LCMT2: variants seen among roughly 807,000 people sequenced by gnomAD.
LCMT2 encodes the protein tRNA wybutosine-synthesizing protein 4.
Under a neutral mutation model 42.0 loss-of-function variants are expected in LCMT2, and 34 were observed. The observed-to-expected ratio is 0.81, with a 90% CI of 0.62 to 1.08. The LOEUF is 1.08. LCMT2 is among the 50% of genes least tolerant of loss of function. The pLI, the probability that LCMT2 is intolerant of heterozygous loss-of-function variation, is 0.00. For synonymous variants in LCMT2, 445 were observed against 369.5 expected (o/e 1.20, Z -2.34); for missense variants, 1,091 against 889.4 (o/e 1.23, Z -2.88).
chr15:43,330,205 G>C lies in LCMT2; in HGVS notation c.285C>G (p.Leu95=), dbSNP rs780483641. The C allele has an allele frequency of 2.5e-6, 4 of 1,611,628 alleles. No individual in the cohort carries two copies. In the South Asian group the frequency reaches 3.3e-5, roughly 13 times the overall value. ...GGCCCGCGGTTTTTAAGCGAAAATA[G>C]AGCGAGTCGAAGCCAGCGCCGAGAG... ...ILSLGAGFDS[L]YFRLKTAGRL... Residue 95 remains leucine (L), a synonymous_variant, in exon 1 of 1, where the codon CTC becomes CTG. Coordinates refer to ENST00000305641, the MANE Select transcript of LCMT2 (RefSeq NM_014793.5).
rs995423314 is a variant in LCMT2, at chr15:43,326,843, C to A, written c.*1586G>T. ...TTTTTATATTAATCACCTTTCACAT[C>A]CATTTATATGCAAAATTAATAGAAA... On this transcript the variant is annotated 3_prime_UTR_variant, in exon 1 of 1. Transcript: ENST00000305641. 1 of 152,164 alleles carries A rather than the reference C, an allele frequency of 6.6e-6. No homozygotes were observed. Among genetic ancestry groups the A allele is most frequent in the African/African-American group, 2.4e-5 (1 of 41,432 alleles). 9.4% of individuals were successfully genotyped at this position (152,164 alleles called of 1,614,324 possible).
chr15:43,325,739 T>A lies in LCMT2; in HGVS notation c.*2690A>T, dbSNP rs1251907059. The A allele has an allele frequency of 6.6e-6, 1 of 152,268 alleles. No homozygotes were observed. Among genetic ancestry groups the A allele is most frequent in the East Asian group, 1.9e-4 (1 of 5,198 alleles). The allele number at this position is 152,268 out of a possible 1,614,324, so 9.4% of individuals were successfully genotyped here. A position where few individuals can be genotyped will look rare whatever the true frequency, so the allele number is the denominator to read the frequency against. ...CCCCCAAAAGTAATGAAATAATGGC[T>A]GATGGCATGATGTAAGCAGCATCAT... On this transcript the variant is annotated 3_prime_UTR_variant, in exon 1 of 1. Coordinates refer to ENST00000305641, the MANE Select transcript of LCMT2 (RefSeq NM_014793.5).
rs1036696446 is a variant in LCMT2 at position 43,326,827 on chromosome 15, T to C, written c.*1602A>G. The C allele has an allele frequency of 6.6e-6, 1 of 152,212 alleles. No homozygotes were observed. Among genetic ancestry groups the C allele is most frequent in the Non-Finnish European group, 1.5e-5 (1 of 68,032 alleles). 9.4% of individuals were successfully genotyped at this position (152,212 alleles called of 1,614,324 possible). ...TGTGTTTGCTACTTGGTTTTTATAT[T>C]AATCACCTTTCACATCCATTTATAT... On this transcript the variant is annotated 3_prime_UTR_variant, in exon 1 of 1. Coordinates refer to ENST00000305641, the MANE Select transcript of LCMT2 (RefSeq NM_014793.5).
rs1368373552 is a variant in LCMT2 at position 43,327,952 on chromosome 15, T to C, written c.*477A>G. On this transcript the variant is annotated 3_prime_UTR_variant, in exon 1 of 1. Transcript: ENST00000305641. ...GACAATGTTTTAATCAAACTGTGACTGTGTTCATTTCAGGTTTCCTACATG... is the reference window on the plus strand; with the variant it reads ...GACAATGTTTTAATCAAACTGTGACCGTGTTCATTTCAGGTTTCCTACATG... 6.3e-5 allele frequency: 10 copies of C among 159,238 alleles called. No individual in the cohort carries two copies. Among genetic ancestry groups the C allele is most frequent in the Non-Finnish European group, 1.4e-4 (10 of 71,776 alleles). The allele number at this position is 159,238 out of a possible 1,614,324, so 9.9% of individuals were successfully genotyped here. A position where few individuals can be genotyped will look rare whatever the true frequency, so the allele number is the denominator to read the frequency against.
In LCMT2 at chr15:43,329,743, A is replaced by C; in HGVS notation, c.747T>G (p.Pro249=). Residue 249 remains proline, a synonymous_variant, in exon 1 of 1, where the codon CCT becomes CCG. Coordinates refer to ENST00000305641, the MANE Select transcript of LCMT2 (RefSeq NM_014793.5). The part of the protein sequence containing the change: ...NSPLHGLERF[P]DVEAQRRRFL... Reference sequence around the variant, plus strand: ...AGCGGCGCCGCTGCGCCTCCACGTCAGGAAAACGCTCCAGGCCATGCAGGG... The same window carrying C: ...AGCGGCGCCGCTGCGCCTCCACGTCCGGAAAACGCTCCAGGCCATGCAGGG... 2 of 1,613,560 alleles carry C rather than the reference A, an allele frequency of 1.2e-6. No homozygotes were observed. Among genetic ancestry groups the C allele is most frequent in the Non-Finnish European group, 1.7e-6 (2 of 1,179,964 alleles).
In LCMT2 at chr15:43,328,745, G is replaced by A. The variant is rs749480012; in HGVS notation, c.1745C>T (p.Pro582Leu). The A allele has an allele frequency of 1.2e-6, 2 of 1,613,858 alleles. No individual in the cohort carries two copies. The highest frequency in any genetic ancestry group is 1.7e-6 in the Non-Finnish European group (2 of 1,180,026). Reference sequence around the variant, plus strand: ...TGTGTGGGAGTACCTTGGGGTAATGGGAGGCTGGATGTCTACTGACTCCCA... The same window carrying A: ...TGTGTGGGAGTACCTTGGGGTAATGAGAGGCTGGATGTCTACTGACTCCCA... ...FLWESVDIQPPITPRYSHTAH... is the reference protein window; with the variant it reads ...FLWESVDIQPLITPRYSHTAH... The change falls in exon 1 of 1, where the codon CCC (proline) becomes CTC (leucine). Residue 582 changes from proline to leucine, a missense_variant. Coordinates refer to ENST00000305641, the MANE Select transcript of LCMT2 (RefSeq NM_014793.5).
rs896092062 is a variant in LCMT2 at position 43,328,359 on chromosome 15, C to G, written c.*70G>C. 4.1e-6 allele frequency: 6 copies of G among 1,478,860 alleles called. No homozygotes were observed. In the East Asian group the frequency reaches 9.1e-5, roughly 22 times the overall value. 91.6% of individuals were successfully genotyped at this position (1,478,860 alleles called of 1,614,324 possible). A position where few individuals can be genotyped will look rare whatever the true frequency, so the allele number is the denominator to read the frequency against. The stretch of plus-strand genomic sequence containing the variant: ...AAAGGAGGAGTGGCAGTATCTATAG[C>G]TAGAGGGTCATCCTATTTGTGGAAA... On this transcript the variant is annotated 3_prime_UTR_variant, in exon 1 of 1. Coordinates refer to ENST00000305641, the MANE Select transcript of LCMT2 (RefSeq NM_014793.5).
Position 43,330,012 on chromosome 15 carries a change from G to A in LCMT2, c.478C>T (p.Leu160=). The A allele has an allele frequency of 6.2e-7, 1 of 1,612,682 alleles. No homozygotes were observed. Among genetic ancestry groups the A allele is most frequent in the South Asian group, 1.1e-5 (1 of 91,082 alleles). The change falls in exon 1 of 1, where the codon CTG becomes TTG. Residue 160 remains leucine, a synonymous_variant. Coordinates refer to ENST00000305641, the MANE Select transcript of LCMT2 (RefSeq NM_014793.5). Reference sequence around the variant, plus strand: ...ACTCGCTGGAGCTGCCGCAAGTCCAGACCCAGGATGCAGTAGTCTGCGCTC... The same window carrying A: ...ACTCGCTGGAGCTGCCGCAAGTCCAAACCCAGGATGCAGTAGTCTGCGCTC... The part of the protein sequence containing the change: ...FESADYCILG[L]DLRQLQRVEE...
rs755121894 is a variant in LCMT2 at position 43,330,303 on chromosome 15, C to A, written c.187G>T (p.Val63Leu). 1.9e-6 allele frequency: 3 copies of A among 1,594,010 alleles called. No homozygotes were observed. Among genetic ancestry groups the A allele is most frequent in the Non-Finnish European group, 2.6e-6 (3 of 1,176,186 alleles). Reference sequence around the variant, plus strand: ...AAAAAAGCGCGCACGCAGTGCCTCACGGCGCGTGCGCGGACGTAGTAGCCT... The same window carrying A: ...AAAAAAGCGCGCACGCAGTGCCTCAAGGCGCGTGCGCGGACGTAGTAGCCT... ...HRGYYVRARAVRHCVRAFLEQ... is the reference protein window; with the variant it reads ...HRGYYVRARALRHCVRAFLEQ... The change falls in exon 1 of 1, where the codon GTG becomes TTG. Residue 63 changes from valine (V) to leucine (L), a missense_variant. Coordinates refer to ENST00000305641, the MANE Select transcript of LCMT2 (RefSeq NM_014793.5).
rs3742970 is a variant in LCMT2 at position 43,330,067 on chromosome 15, C to G, written c.423G>C (p.Arg141Ser). 6.5e-5 allele frequency: 104 copies of G among 1,612,326 alleles called. No individual in the cohort carries two copies. Among genetic ancestry groups the G allele is most frequent in the East Asian group, 1.8e-4 (8 of 44,848 alleles). Reference protein sequence around the residue: ...ELCALTGPFERGEPASALCFE... With the variant: ...ELCALTGPFESGEPASALCFE... Reference sequence around the variant, plus strand: ...AGCACAGCGCGGACGCGGGCTCCCCCCTCTCGAAAGGCCCGGTTAACGCGC... The same window carrying G: ...AGCACAGCGCGGACGCGGGCTCCCCGCTCTCGAAAGGCCCGGTTAACGCGC... Residue 141 changes from arginine (R) to serine (S), a missense_variant, in exon 1 of 1, where the codon AGG becomes AGC. By Grantham distance (110) the Arg-to-Ser change is moderately radical. Transcript: ENST00000305641.
In LCMT2 at chr15:43,329,279, T is replaced by C. The variant is rs760887541; in HGVS notation, c.1211A>G (p.Gln404Arg). Reference protein sequence around the residue: ...RDCDSEWKGSQIGSCGTGVQW... With the variant: ...RDCDSEWKGSRIGSCGTGVQW... ...AACTCCAGTCCCACAACTGCCTATT[T>C]GGCTGCCTTTCCATTCAGAGTCACA... is the stretch of plus-strand genomic sequence containing the variant. The change falls in exon 1 of 1, where the codon CAA becomes CGA. Residue 404 changes from glutamine (Q) to arginine (R), a missense_variant. Physicochemically the swap from Gln to Arg is conservative, Grantham distance 43. Transcript: ENST00000305641. 1 of 1,614,044 alleles carries C rather than the reference T, an allele frequency of 6.2e-7. No homozygotes were observed. Among genetic ancestry groups the C allele is most frequent in the Non-Finnish European group, 8.5e-7 (1 of 1,180,028 alleles).
rs201934741 is a variant in LCMT2, at chr15:43,330,098, T to G, written c.392A>C (p.Glu131Ala). 141 of 1,611,932 alleles carry G rather than the reference T, an allele frequency of 8.7e-5. 2 individuals carry two copies. In the Admixed American group the frequency reaches 2.1e-3, roughly 24 times the overall value. ...RKAERIGETP[E>A]LCALTGPFER... ...GAAAGGCCCGGTTAACGCGCACAGC[T>G]CTGGCGTCTCTCCAATCCTTTCTGC... The change falls in exon 1 of 1, where the codon GAG (glutamate) becomes GCG (alanine). Residue 131 changes from glutamate (E) to alanine (A), a missense_variant. Physicochemically the swap from Glu to Ala is moderately radical, Grantham distance 107. Transcript: ENST00000305641.
rs1596471577 is a variant in LCMT2 at position 43,325,579 on chromosome 15, C to G, written c.*2850G>C. The G allele has an allele frequency of 6.6e-6, 1 of 152,180 alleles. No individual in the cohort carries two copies. The highest frequency in any genetic ancestry group is 2.4e-5 in the African/African-American group (1 of 41,438). The allele number at this position is 152,180 out of a possible 1,614,324, so 9.4% of individuals were successfully genotyped here. A position where few individuals can be genotyped will look rare whatever the true frequency, so the allele number is the denominator to read the frequency against. On this transcript the variant is annotated 3_prime_UTR_variant, in exon 1 of 1. Transcript: ENST00000305641. ...CTTATAGGAAATGTGGGTAATTTCT[C>G]TCGGGAGAACAAGCCCTGTTACTCA...
At position 43,330,257 on chromosome 15, in the gene LCMT2, TG is replaced by T; in HGVS notation, c.232del (p.Gln78ArgfsTer22). 6.2e-7 allele frequency: 1 copy of T among 1,603,680 alleles called. No homozygotes were observed. On this transcript the variant is annotated frameshift_variant, in exon 1 of 1. Coordinates refer to ENST00000305641, the MANE Select transcript of LCMT2 (RefSeq NM_014793.5). LOFTEE classifies it high-confidence loss of function. ...CAAGATCTGCGCGCGAAGCGCGGCC[TG>T]GGGCGCGCCAATCTGCTCCAAAAAA... ...RAFLEQIGAP[Q>X]AALRAQILSL... is the part of the protein sequence containing the mutation.
rs201099844 is a variant in LCMT2 at position 43,329,549 on chromosome 15, C to T, written c.941G>A (p.Gly314Glu). Residue 314 changes from glycine to glutamate, a missense_variant, in exon 1 of 1, where the codon GGA (glycine) becomes GAA (glutamate). Gly to Glu is a moderately conservative substitution (Grantham distance 98). Transcript: ENST00000305641. ...AHYFILAASR[G>E]DTLSHTLVFP... ...CACTAGGGTGTGGGAGAGGGTGTCT[C>T]CCCTAGAAGCTGCCAGAATGAAATA... The T allele has an allele frequency of 4.8e-5, 77 of 1,614,030 alleles. No homozygotes were observed. The African/African-American group carries it at 8.8e-4, about 18-fold the overall frequency.
chr15:43,330,473 C>T lies in LCMT2; in HGVS notation c.17G>A (p.Arg6His). Residue 6 changes from arginine (R) to histidine (H), a missense_variant, in exon 1 of 1, where the codon CGT (arginine) becomes CAT (histidine). Transcript: ENST00000305641. ...CTGTACCGCGCCTGCCCGACGCTCA[C>T]GGCTCCGGGGGCCCATGGCCAGAAG... The part of the protein sequence containing the change: MGPRS[R>H]ERRAGAVQNT... The T allele has an allele frequency of 6.6e-7, 1 of 1,522,394 alleles. No individual in the cohort carries two copies. The highest frequency in any genetic ancestry group is 8.8e-7 in the Non-Finnish European group (1 of 1,140,194). 94.3% of individuals were successfully genotyped at this position (1,522,394 alleles called of 1,614,324 possible). A position where few individuals can be genotyped will look rare whatever the true frequency, so the allele number is the denominator to read the frequency against.
chr15:43,328,968 G>C lies in LCMT2; in HGVS notation c.1522C>G (p.Leu508Val), dbSNP rs777806389. The change falls in exon 1 of 1, where the codon CTA (leucine) becomes GTA (valine). Residue 508 changes from leucine (L) to valine (V), a missense_variant. Coordinates refer to ENST00000305641, the MANE Select transcript of LCMT2 (RefSeq NM_014793.5). ...ACATGGAGGAAATGCCAGTCACTTA[G>C]TACAGGTTCCACCACGCTTCGACCC... ...YGGRSVVEPV[L>V]SDWHFLHVGT... 4.3e-6 allele frequency: 7 copies of C among 1,613,260 alleles called. No homozygotes were observed. In the Admixed American group the frequency reaches 1.0e-4, roughly 23 times the overall value.
rs762123287 is a variant in LCMT2 at position 43,330,515 on chromosome 15, G to C, written c.-26C>G. On this transcript the variant is annotated 5_prime_UTR_variant, in exon 1 of 1. Coordinates refer to ENST00000305641, the MANE Select transcript of LCMT2 (RefSeq NM_014793.5). ...GGCCAGAAGAGACTCAGGAATGGCAGTCTGTCACGGTTGTGAGCCGCCCCT... is the reference window on the plus strand; with the variant it reads ...GGCCAGAAGAGACTCAGGAATGGCACTCTGTCACGGTTGTGAGCCGCCCCT... 6.6e-7 allele frequency: 1 copy of C among 1,511,032 alleles called. No homozygotes were observed. The allele number at this position is 1,511,032 out of a possible 1,614,324, so 93.6% of individuals were successfully genotyped here. A position where few individuals can be genotyped will look rare whatever the true frequency, so the allele number is the denominator to read the frequency against.
In LCMT2 at chr15:43,330,560, G is replaced by A. The variant is rs1843702829; in HGVS notation, c.-71C>T. The A allele has an allele frequency of 5.4e-6, 8 of 1,473,250 alleles. No individual in the cohort carries two copies. The highest frequency in any genetic ancestry group is 1.4e-5 in the South Asian group (1 of 69,378). 91.3% of individuals were successfully genotyped at this position (1,473,250 alleles called of 1,614,324 possible). A position where few individuals can be genotyped will look rare whatever the true frequency, so the allele number is the denominator to read the frequency against. ...GCCCCTTGGTTAGCACACACCTCAC[G>A]GACCTCGGTAGGGGGAAAAAAACCA... is the stretch of plus-strand genomic sequence containing the variant. On this transcript the variant is annotated 5_prime_UTR_variant, in exon 1 of 1. Transcript: ENST00000305641.
Sources: allele counts gnomAD v4.1 joint callset, GRCh38; gene constraint gnomAD v4.1.1; transcripts MANE v1.5; gene names NCBI Gene and HGNC (gene_info 2026-07-23, HGNC 2026-07-21).